The following NIPBL variants were observed in gnomAD, a reference collection of about 807,000 sequenced individuals.
NIPBL encodes the protein nipped-B-like protein.
In NIPBL, 19 loss-of-function variants were observed where a neutral mutation model predicts 321.8. The ratio of observed to expected loss-of-function variants is 0.06; its 90% CI spans 0.04 to 0.09. The LOEUF (loss-of-function observed/expected upper bound fraction) is 0.09. Among genes scored for constraint, NIPBL ranks in the 10% least tolerant of loss-of-function variants. The probability of loss-of-function intolerance (pLI) is 1.00; values close to 1 mark genes in which losing one functional copy is unlikely to be tolerated. For synonymous variants in NIPBL, 1,106 were observed against 1,114.1 expected (o/e 0.99, Z 0.14); for missense variants, 2,210 against 3,327.0 (o/e 0.66, Z 8.26).
chr5:37,038,571 T>G, intron 33 of NIPBL, 31 bp from the exon 34 acceptor site: 1 of 1,604,582 alleles, frequency 6.2e-7, no homozygotes, highest in Non-Finnish European at 8.5e-7. Flanking sequence ...TGTCATATTT[T>G]AGTGTCTTAT....
At chr5:36,969,174 G>T (rs566930763) in intron 6 of NIPBL, among the ~76,000 whole-genome samples, 58 of 152,260 alleles carry the variant, frequency 3.8e-4, no homozygotes, top group Admixed American at 2.8e-3. Flanking sequence ...AAAATGAAGA[G>T]TTATGCCATC....
chr5:36,897,012 T>A (rs1404850686), intron 1 of NIPBL, among the ~76,000 whole-genome samples: 2 of 152,152 alleles, frequency 1.3e-5, no homozygotes, highest in African/African-American at 4.8e-5. Context: ...TATATATTTT[T>A]TTTTTTTTGA....
rs186403414 is a variant in NIPBL at position 37,055,904 on chromosome 5, A to G, written c.7264-1282A>G. ...TATGCACCTATACTCCTAGCTACCT[A>G]GCTACTGAAGAGACCAAGGCAAAGG... is the stretch of plus-strand genomic sequence containing the variant. On this transcript the variant is annotated intron_variant, in intron 42 of 46. Transcript: ENST00000282516. Among the ~76,000 whole-genome samples, 333 of 152,072 alleles carry G rather than the reference A, an allele frequency of 2.2e-3. 2 individuals carry two copies. The highest frequency in any genetic ancestry group is 7.8e-3 in the African/African-American group (322 of 41,476).
intron 1 of NIPBL, among the ~76,000 whole-genome samples, chr5:36,894,967 C>T (rs1194342163): frequency 6.6e-6 from 1 of 152,174 alleles, no homozygotes; most frequent in African/African-American, 2.4e-5. Context: ...TGTAGCTCAT[C>T]TGGACTGGTT....
At chr5:36,980,228 T>C (rs1234591146) in intron 9 of NIPBL, among the ~76,000 whole-genome samples, 2 of 151,796 alleles carry the variant, frequency 1.3e-5, no homozygotes, top group East Asian at 3.8e-4. Context: ...ATTATCTAAA[T>C]AGTTTTTTCT....
chr5:36,937,932 G>A (rs1738624623), intron 1 of NIPBL, among the ~76,000 whole-genome samples: 1 of 152,090 alleles, frequency 6.6e-6, no homozygotes, highest in Non-Finnish European at 1.5e-5. Context: ...ATTATCTGAA[G>A]CACTTATTAA....
Position 36,976,201 on chromosome 5 carries a change from A to C in NIPBL, c.1294A>C (p.Asn432His). The change falls in exon 9 of 47, where the codon AAT (asparagine) becomes CAT (histidine). Residue 432 changes from asparagine (N) to histidine (H), a missense_variant. This residue lies in a region of NIPBL where 464 missense variants were observed against 529.5 expected (regional missense o/e 0.88). Transcript: ENST00000282516. ...QQEQTAFLPA[N>H]QVPVLQQNTS... ...AGAACAAACAGCATTCCTTCCAGCAAATCAAGTGCCTGTTTTACAACAGAA... is the reference window on the plus strand; with the variant it reads ...AGAACAAACAGCATTCCTTCCAGCACATCAAGTGCCTGTTTTACAACAGAA... 2 of 1,612,984 alleles carry C rather than the reference A, an allele frequency of 1.2e-6. No individual in the cohort carries two copies. The highest frequency in any genetic ancestry group is 1.7e-6 in the Non-Finnish European group (2 of 1,179,430).
chr5:36,898,980 G>GAATTTTAA (rs145966771), intron 1 of NIPBL, among the ~76,000 whole-genome samples: 2,113 of 152,186 alleles, frequency 0.014, 55 homozygotes, highest in African/African-American at 0.049. Flanking sequence ...ATTTAAAGTA[G>GAATTTTAA]AATTTTAAAA....
At chr5:37,023,461 T>A (rs528312408) in intron 29 of NIPBL, among the ~76,000 whole-genome samples, 1 of 152,304 alleles carries the variant, frequency 6.6e-6, no homozygotes, top group Non-Finnish European at 1.5e-5. Context: ...TGTACCTACC[T>A]CCATACTTCA....
At chr5:36,884,202 C>G (rs1441611001) in intron 1 of NIPBL, among the ~76,000 whole-genome samples, 3 of 151,950 alleles carry the variant, frequency 2.0e-5, no homozygotes, top group Non-Finnish European at 2.9e-5. Context: ...TTCATCTCCC[C>G]CAAAGCAAAT....
intron 1 of NIPBL, among the ~76,000 whole-genome samples, chr5:36,901,459 C>T (rs918529314): frequency 1.5e-4 from 22 of 147,230 alleles, no homozygotes; most frequent in Non-Finnish European, 3.1e-4. Flanking sequence ...TGAGTATATA[C>T]TCAGCAGTAG....
chr5:36,942,983 G>C (rs1177195673), intron 1 of NIPBL, among the ~76,000 whole-genome samples: 1 of 151,888 alleles, frequency 6.6e-6, no homozygotes, highest in Non-Finnish European at 1.5e-5. Context: ...ATTTTCCGCA[G>C]TAATCTTTAG....
intron 9 of NIPBL, among the ~76,000 whole-genome samples, chr5:36,982,567 T>C (rs1744264539): frequency 6.6e-6 from 1 of 151,886 alleles, no homozygotes; most frequent in African/African-American, 2.4e-5. Flanking sequence ...TTTCCCAATC[T>C]TAATTACTTG....
At chr5:36,912,724 T>C (rs935266248) in intron 1 of NIPBL, among the ~76,000 whole-genome samples, 1 of 152,038 alleles carries the variant, frequency 6.6e-6, no homozygotes, top group African/African-American at 2.4e-5. Flanking sequence ...GGTCTCAAAC[T>C]CCTGACCTCA....
At chr5:36,909,929 A>G (rs1429381492) in intron 1 of NIPBL, among the ~76,000 whole-genome samples, 2 of 152,134 alleles carry the variant, frequency 1.3e-5, no homozygotes, top group African/African-American at 2.4e-5. Context: ...TACAAAAATT[A>G]GTTGGGCATG....
intron 6 of NIPBL, among the ~76,000 whole-genome samples, chr5:36,964,990 T>C (rs1055879265): frequency 1.3e-5 from 2 of 152,092 alleles, no homozygotes; most frequent in African/African-American, 4.8e-5. Flanking sequence ...TTATCTTGCC[T>C]TAATTAAAAT....
At chr5:36,941,236 C>T (rs1739024441) in intron 1 of NIPBL, among the ~76,000 whole-genome samples, 1 of 151,998 alleles carries the variant, frequency 6.6e-6, no homozygotes, top group Non-Finnish European at 1.5e-5. Flanking sequence ...GTTGTGTTTC[C>T]TTTTTAAGTC....
At chr5:36,981,702 G>T (rs1169555268) in intron 9 of NIPBL, among the ~76,000 whole-genome samples, 3 of 151,584 alleles carry the variant, frequency 2.0e-5, no homozygotes, top group African/African-American at 4.8e-5. Context: ...GGGTTCCTTT[G>T]TTCATCTTTG....
At chr5:36,889,000 A>C (rs1020381131) in intron 1 of NIPBL, among the ~76,000 whole-genome samples, 3 of 152,176 alleles carry the variant, frequency 2.0e-5, no homozygotes, top group African/African-American at 7.2e-5. Flanking sequence ...AGGGAGACCC[A>C]GTTTGGTAGT....
Sources: gnomAD v4.1 joint callset for allele counts (sites outside exome capture counted in the v4.1 genomes callset) on GRCh38, gnomAD v4.1.1 for gene constraint, gnomAD v4.1.1 regional missense constraint, MANE v1.5 for transcripts, NCBI Gene and HGNC (gene_info 2026-07-23, HGNC 2026-07-21) for gene names.